CELF4: variants seen among roughly 807,000 people sequenced by gnomAD.
CELF4 encodes CUG-BP- and ETR-3-like factor 4.
In CELF4, 18 loss-of-function variants were observed where a neutral mutation model predicts 59.9. The ratio of observed to expected loss-of-function variants is 0.30; its 90% CI spans 0.21 to 0.45. CELF4 has a LOEUF of 0.45. Ranked by LOEUF, CELF4 falls within the 20% of genes least tolerant of loss-of-function variation. CELF4 has a pLI of 1.00. For missense variants in CELF4, 456 were observed against 689.0 expected (o/e 0.66, Z 3.79); for synonymous variants, 261 against 267.1 (o/e 0.98, Z 0.22).
intron 2 of CELF4, among the ~76,000 whole-genome samples, chr18:37,372,109 GAC>G (rs2098898578): frequency 6.6e-6 from 1 of 152,158 alleles, no homozygotes; most frequent in African/African-American, 2.4e-5. Flanking sequence ...AATACCATTT[GAC>G]CCAGCCATCC....
intron 3 of CELF4, among the ~76,000 whole-genome samples, chr18:37,292,593 A>C (rs1222935706): frequency 6.6e-6 from 1 of 152,220 alleles, no homozygotes; most frequent in African/African-American, 2.4e-5. Flanking sequence ...GGAATGGAGG[A>C]AACTTGCTGC....
chr18:37,564,869 T>C (rs189641578), intron 1 of CELF4, among the ~76,000 whole-genome samples: 4 of 152,260 alleles, frequency 2.6e-5, no homozygotes, highest in Non-Finnish European at 5.9e-5. Flanking sequence ...CTCTCCCTTT[T>C]AGACGGCTGC....
At chr18:37,418,665 ATAATAACACATACTC>A (rs2099548606) in intron 2 of CELF4, among the ~76,000 whole-genome samples, 1 of 152,248 alleles carries the variant, frequency 6.6e-6, no homozygotes, top group African/African-American at 2.4e-5. Flanking sequence ...CATTTCCAAA[ATAATAACACATACTC>A]TGCCTGTCTC....
chr18:37,302,466 A>T (rs534538397), intron 3 of CELF4, among the ~76,000 whole-genome samples: 1 of 152,220 alleles, frequency 6.6e-6, no homozygotes, highest in African/African-American at 2.4e-5. Flanking sequence ...GGCCCCTGGG[A>T]GCCCCTTCTG....
At chr18:37,288,761 G>C (rs1314008456) in intron 3 of CELF4, among the ~76,000 whole-genome samples, 1 of 152,140 alleles carries the variant, frequency 6.6e-6, no homozygotes, top group Non-Finnish European at 1.5e-5. Flanking sequence ...GTGAGGGGGA[G>C]AGTTTGCTTT....
chr18:37,308,690 C>G (rs2096536970), intron 3 of CELF4, among the ~76,000 whole-genome samples: 1 of 152,212 alleles, frequency 6.6e-6, no homozygotes, highest in African/African-American at 2.4e-5. Context: ...ATGTGCAGGC[C>G]TCAAGCCTCC....
chr18:37,494,317 C>G lies in CELF4; in HGVS notation c.287-8710G>C, dbSNP rs376201630. Among the ~76,000 whole-genome samples the G allele has an allele frequency of 7.2e-5, 11 of 152,316 alleles. No homozygotes were observed. The East Asian group carries it at 7.7e-4, about 11-fold the overall frequency. ...TCCCCCTTTTCAGCAAAGAGCTCCTCCATCTATGGTCAGGGCTGATGGGCC... is the reference window on the plus strand; with the variant it reads ...TCCCCCTTTTCAGCAAAGAGCTCCTGCATCTATGGTCAGGGCTGATGGGCC... On this transcript the variant is annotated intron_variant, in intron 1 of 12. Coordinates refer to ENST00000420428, the MANE Select transcript of CELF4 (RefSeq NM_020180.4).
At chr18:37,439,378 C>CT (rs572961596) in intron 2 of CELF4, among the ~76,000 whole-genome samples, 2 of 152,122 alleles carry the variant, frequency 1.3e-5, no homozygotes, top group East Asian at 3.9e-4. Flanking sequence ...TTCTGGAGGG[C>CT]TTTTTTCTGA....
At position 37,421,361 on chromosome 18, in the gene CELF4, G is replaced by T. The variant is rs113096653; in HGVS notation, c.369+64164C>A. The stretch of plus-strand genomic sequence containing the variant: ...CGCACTGGCTGGCCTGGCCACAGGG[G>T]CTGTGGGGCTGTGCAGCCTCCTTAA... On this transcript the variant is annotated intron_variant, in intron 2 of 12. Coordinates refer to ENST00000420428, the MANE Select transcript of CELF4 (RefSeq NM_020180.4). Among the ~76,000 whole-genome samples the T allele has an allele frequency of 5.3e-3, 802 of 152,296 alleles. 10 individuals carry two copies. Among genetic ancestry groups the T allele is most frequent in the African/African-American group, 0.019 (775 of 41,566 alleles).
chr18:37,371,315 T>C (rs989804445), intron 2 of CELF4, among the ~76,000 whole-genome samples: 1 of 152,236 alleles, frequency 6.6e-6, no homozygotes, highest in Non-Finnish European at 1.5e-5. Flanking sequence ...AAATTCATAG[T>C]GCCAGCCCTG....
Position 37,304,703 on chromosome 18 carries a change from C to G in CELF4, c.448+17100G>C, listed in dbSNP as rs182541823. Among the ~76,000 whole-genome samples, 30 of 152,342 alleles carry G rather than the reference C, an allele frequency of 2.0e-4. 1 individual carries two copies. Among genetic ancestry groups the G allele is most frequent in the Admixed American group, 1.5e-3 (23 of 15,306 alleles). ...TGGGGTGAGGAGAACAGAACCAGGC[C>G]TGGGGACAGCACTGTGTGGTGTCTC... On this transcript the variant is annotated intron_variant, in intron 3 of 12. Transcript: ENST00000420428.
rs141350159 is a variant in CELF4 at position 37,361,346 on chromosome 18, G to A, written c.370-39465C>T. Among the ~76,000 whole-genome samples, 1,004 of 152,280 alleles carry A rather than the reference G, an allele frequency of 6.6e-3. 5 individuals are homozygous for A. The highest frequency in any genetic ancestry group is 0.044 in the Middle Eastern group (13 of 294). ...TGTGCCTGTGGCTCACCAGCTAACC[G>A]TAGCTCTCGTCCAATGCATCCAGCT... On this transcript the variant is annotated intron_variant, in intron 2 of 12. Transcript: ENST00000420428.
intron 1 of CELF4, among the ~76,000 whole-genome samples, chr18:37,536,219 G>T (rs1464194256): frequency 2.6e-5 from 4 of 151,984 alleles, no homozygotes; most frequent in Non-Finnish European, 5.9e-5. Context: ...CCCTGGAGGG[G>T]TGATGGGAGG....
At chr18:37,420,297 A>G (rs371842854) in intron 2 of CELF4, among the ~76,000 whole-genome samples, 2 of 152,340 alleles carry the variant, frequency 1.3e-5, no homozygotes, top group East Asian at 1.9e-4. Context: ...TAGCCATGGA[A>G]CACTGGGCAG....
intron 1 of CELF4, among the ~76,000 whole-genome samples, chr18:37,514,277 TC>T (rs2099948067): frequency 1.3e-5 from 2 of 152,106 alleles, no homozygotes; most frequent in African/African-American, 4.8e-5. Flanking sequence ...ACGGCCCTCT[TC>T]CCCTCTCTCT....
intron 3 of CELF4, among the ~76,000 whole-genome samples, chr18:37,284,012 A>G (rs2154394357): frequency 1.4e-3 from 1 of 734 alleles, no homozygotes; most frequent in Non-Finnish European, 3.0e-3. Flanking sequence ...CAACCACTCA[A>G]CATGCACACA....
chr18:37,495,591 C>A (rs1005281912), intron 1 of CELF4, among the ~76,000 whole-genome samples: 2 of 152,150 alleles, frequency 1.3e-5, no homozygotes, highest in Admixed American at 1.3e-4. Flanking sequence ...TATACCTGCA[C>A]AGCGAGCTCA....
At chr18:37,313,759 G>C (rs111387783) in intron 3 of CELF4, among the ~76,000 whole-genome samples, 26 of 152,234 alleles carry the variant, frequency 1.7e-4, no homozygotes, top group African/African-American at 5.3e-4. Flanking sequence ...TTTAAAAGCC[G>C]CAGGAACCGA....
intron 2 of CELF4, among the ~76,000 whole-genome samples, chr18:37,384,440 C>T (rs1401863755): frequency 1.3e-5 from 2 of 151,914 alleles, no homozygotes; most frequent in East Asian, 3.9e-4. Context: ...GTAGAGGGGC[C>T]CTGTTGGGGG....
Sources: gnomAD v4.1 joint callset for allele counts (sites outside exome capture counted in the v4.1 genomes callset) on GRCh38, gnomAD v4.1.1 for gene constraint, MANE v1.5 for transcripts, NCBI Gene and HGNC (gene_info 2026-07-23, HGNC 2026-07-21) for gene names.